Variants in RUNX1 observed in about 807,000 individuals in gnomAD.
The protein encoded by RUNX1 is runt-related transcription factor 1.
Under a neutral mutation model 42.8 loss-of-function variants are expected in RUNX1, and 19 were observed. That is an observed-to-expected ratio of 0.44 (90% CI 0.31 to 0.65). RUNX1 has a LOEUF of 0.65. Ranked by LOEUF, RUNX1 falls within the 30% of genes least tolerant of loss-of-function variation. RUNX1 has a pLI of 0.07. For synonymous variants in RUNX1, 271 were observed against 289.4 expected (o/e 0.94, Z 0.64); for missense variants, 528 against 672.0 (o/e 0.79, Z 2.37).
intron 2 of RUNX1, among the ~76,000 whole-genome samples, chr21:34,954,296 G>A (rs1257007835): frequency 6.6e-6 from 1 of 152,166 alleles, no homozygotes; most frequent in Non-Finnish European, 1.5e-5. Context: ...TGAAGTGGGA[G>A]GAGAAAGGAG....
intron 2 of RUNX1, among the ~76,000 whole-genome samples, chr21:35,018,908 G>A (rs79014829): frequency 0.016 from 2,482 of 152,244 alleles, 62 homozygotes; most frequent in African/African-American, 0.055. Context: ...AATCTTTTTG[G>A]AGGCCTAAGA....
intron 2 of RUNX1, among the ~76,000 whole-genome samples, chr21:34,991,012 C>G (rs2058933212): frequency 6.6e-6 from 1 of 152,204 alleles, no homozygotes; most frequent in Non-Finnish European, 1.5e-5. Flanking sequence ...CTTATTTGCA[C>G]AAAGAGCCGT....
intron 7 of RUNX1, chr21:34,821,373 G>A: frequency 2.7e-5 from 33 of 1,235,262 alleles, no homozygotes; most frequent in Non-Finnish European, 3.4e-5. Context: ...CAAAGACTTT[G>A]TGAAGGATTA....
chr21:34,803,239 GT>G (rs1285147432), intron 7 of RUNX1, among the ~76,000 whole-genome samples: 10 of 152,008 alleles, frequency 6.6e-5, no homozygotes, highest in Admixed American at 6.6e-4. Flanking sequence ...ACCAACTCAT[GT>G]TTCTATTAAA....
At chr21:34,803,638 G>A (rs1171205855) in intron 7 of RUNX1, among the ~76,000 whole-genome samples, 2 of 152,168 alleles carry the variant, frequency 1.3e-5, no homozygotes. Context: ...GCTAAATGAT[G>A]TCTGATGCAG....
chr21:34,899,140 C>T (rs1177028476), intron 2 of RUNX1, among the ~76,000 whole-genome samples: 1 of 152,182 alleles, frequency 6.6e-6, no homozygotes, highest in African/African-American at 2.4e-5. Flanking sequence ...TCTCGAACTT[C>T]TGACCTCAAG....
intron 7 of RUNX1, chr21:34,833,946 C>A: frequency 6.3e-6 from 2 of 316,998 alleles, no homozygotes; most frequent in Non-Finnish European, 6.3e-6. Flanking sequence ...AATAAAAAAA[C>A]ACTAGATACA....
intron 2 of RUNX1, among the ~76,000 whole-genome samples, chr21:34,917,688 T>C (rs182961009): frequency 4.5e-4 from 68 of 152,248 alleles, no homozygotes; most frequent in African/African-American, 1.5e-3. Flanking sequence ...GCCTGGAACG[T>C]TGAGCCCTCA....
chr21:34,964,423 G>T (rs919125061), intron 2 of RUNX1, among the ~76,000 whole-genome samples: 1 of 151,360 alleles, frequency 6.6e-6, no homozygotes, highest in African/African-American at 2.4e-5. Flanking sequence ...GGGAGGCAGA[G>T]GTTGCAGTGA....
Position 34,803,247 on chromosome 21 carries a change from T to TA in RUNX1, c.806-3786dup, listed in dbSNP as rs942288133. On this transcript the variant is annotated intron_variant, in intron 7 of 8. Transcript: ENST00000675419. ...TATCTCAACCAACTCATGTTTCTAT[T>TA]AAAAAATACTGGATTCAGGGCCGGG... Among the ~76,000 whole-genome samples, 52 of 152,142 alleles carry TA rather than the reference T, an allele frequency of 3.4e-4. 1 individual carries two copies. Among genetic ancestry groups the TA allele is most frequent in the African/African-American group, 1.1e-3 (46 of 41,508 alleles).
Position 34,834,510 on chromosome 21 carries a change from G to A in RUNX1, c.705C>T (p.Ala235=), listed in dbSNP as rs772770088. 3.3e-5 allele frequency: 53 copies of A among 1,613,324 alleles called. No individual in the cohort carries two copies. The highest frequency in any genetic ancestry group is 4.2e-5 in the Non-Finnish European group (50 of 1,179,988). The change falls in exon 7 of 9, where the codon GCC becomes GCT. Residue 235 remains alanine, a synonymous_variant. Transcript: ENST00000675419. ...LSELEQLRRT[A]MRVSPHHPAP... is the part of the protein sequence containing the mutation. ...CTGGGTGGTGTGGGCTGACCCTCAT[G>A]GCTGTGCGCCGCAGCTGCTCCAGTT...
intron 2 of RUNX1, among the ~76,000 whole-genome samples, chr21:34,972,554 G>A (rs2146753375): frequency 6.6e-6 from 1 of 152,268 alleles, no homozygotes; most frequent in East Asian, 1.9e-4. Flanking sequence ...TGAATCATAT[G>A]TTACCATCAC....
chr21:34,788,209 A>G lies in RUNX1; in HGVS notation c.*3926T>C, dbSNP rs1466660870. ...ACCAAACCCAATAACTGCCACACAA[A>G]TAGACCCTAGGTGGGGGCTGGCTTA... On this transcript the variant is annotated 3_prime_UTR_variant, in exon 9 of 9. Coordinates refer to ENST00000675419, the MANE Select transcript of RUNX1 (RefSeq NM_001754.5). The G allele has an allele frequency of 8.6e-6, 2 of 233,492 alleles. No individual in the cohort carries two copies. Among genetic ancestry groups the G allele is most frequent in the Non-Finnish European group, 8.5e-6 (1 of 118,044 alleles). 14.5% of individuals were successfully genotyped at this position (233,492 alleles called of 1,614,324 possible).
chr21:35,000,876 T>C (rs2059036973), intron 2 of RUNX1, among the ~76,000 whole-genome samples: 1 of 152,232 alleles, frequency 6.6e-6, no homozygotes. Context: ...AGTTTGTCCC[T>C]GAGCCACTTC....
intron 2 of RUNX1, among the ~76,000 whole-genome samples, chr21:34,911,098 A>T (rs1256575934): frequency 1.3e-5 from 2 of 152,216 alleles, no homozygotes; most frequent in Non-Finnish European, 2.9e-5. Flanking sequence ...CAAAGAGGGC[A>T]CAGAAAGCAT....
chr21:34,988,796 G>C (rs964414966), intron 2 of RUNX1, among the ~76,000 whole-genome samples: 1 of 152,160 alleles, frequency 6.6e-6, no homozygotes, highest in Non-Finnish European at 1.5e-5. Context: ...CTGCACATGA[G>C]GTTGTTTGAG....
At chr21:34,974,653 T>G (rs971532041) in intron 2 of RUNX1, among the ~76,000 whole-genome samples, 3 of 152,204 alleles carry the variant, frequency 2.0e-5, no homozygotes, top group African/African-American at 7.2e-5. Context: ...TGATGCCAAC[T>G]CCTGCTCCTG....
At chr21:34,834,733 CAT>C (rs1211582400) in intron 6 of RUNX1, 132 bp from the exon 7 acceptor site, 1 of 784,428 alleles carries the variant, frequency 1.3e-6, no homozygotes, top group African/African-American at 1.7e-5. Flanking sequence ...CTCACCCCAA[CAT>C]AGACTCGCTA....
intron 5 of RUNX1, among the ~76,000 whole-genome samples, chr21:34,861,570 T>C (rs1036321120): frequency 1.3e-5 from 2 of 152,108 alleles, no homozygotes; most frequent in African/African-American, 4.8e-5. Context: ...ATCTTCTCAC[T>C]AATAAGACCC....
Sources: allele counts gnomAD v4.1 joint callset (sites outside exome capture counted in the v4.1 genomes callset), GRCh38; gene constraint gnomAD v4.1.1; transcripts MANE v1.5; gene names NCBI Gene and HGNC (gene_info 2026-07-23, HGNC 2026-07-21).